Variants in ADCY1 observed in about 807,000 individuals in gnomAD.
ADCY1 encodes adenylate cyclase 1, also known as adenylate cyclase type 1.
Under a neutral mutation model 105.4 loss-of-function variants are expected in ADCY1, and 28 were observed. The observed-to-expected ratio is 0.27, with a 90% CI of 0.20 to 0.36. ADCY1 has a LOEUF of 0.36. Ranked by LOEUF, ADCY1 falls within the 10% of genes least tolerant of loss-of-function variation. The pLI, the probability that ADCY1 is intolerant of heterozygous loss-of-function variation, is 1.00. For synonymous variants in ADCY1, 655 were observed against 623.8 expected (o/e 1.05, Z -0.75); for missense variants, 977 against 1,434.2 (o/e 0.68, Z 5.15).
At chr7:45,604,656 T>C (rs1046458786) in intron 2 of ADCY1, among the ~76,000 whole-genome samples, 1 of 152,178 alleles carries the variant, frequency 6.6e-6, no homozygotes, top group Non-Finnish European at 1.5e-5. Flanking sequence ...ATTTGTGGAT[T>C]CTAGATTCTG....
intron 8 of ADCY1, among the ~76,000 whole-genome samples, chr7:45,669,019 C>A (rs750435637): frequency 3.3e-4 from 50 of 152,228 alleles, no homozygotes; most frequent in Non-Finnish European, 6.5e-4. Context: ...ATTCTTCTCT[C>A]TTTTCTTCTT....
At chr7:45,675,108 CT>C (rs1368112327) in intron 8 of ADCY1, among the ~76,000 whole-genome samples, 3 of 151,870 alleles carry the variant, frequency 2.0e-5, no homozygotes, top group Non-Finnish European at 4.4e-5. Context: ...TGTTCCTTCT[CT>C]TTTTGTCTGT....
At chr7:45,600,636 T>C (rs1793204725) in intron 2 of ADCY1, among the ~76,000 whole-genome samples, 1 of 152,234 alleles carries the variant, frequency 6.6e-6, no homozygotes, top group Admixed American at 6.5e-5. Context: ...GCTTAGGCTG[T>C]GTAACAGAGA....
intron 18 of ADCY1, among the ~76,000 whole-genome samples, chr7:45,709,538 T>C (rs1785184975): frequency 1.3e-5 from 2 of 152,176 alleles, no homozygotes; most frequent in South Asian, 4.1e-4. Flanking sequence ...TTGGGGTTCT[T>C]CTCTGAGTTT....
intron 3 of ADCY1, among the ~76,000 whole-genome samples, chr7:45,618,587 T>G (rs574226054): frequency 7.9e-5 from 12 of 152,324 alleles, no homozygotes; most frequent in African/African-American, 2.4e-4. Flanking sequence ...AAAGAAGACA[T>G]GCAAATGGCC....
rs1457233211 is a variant in ADCY1 at position 45,703,760 on chromosome 7, T to A, written c.2718+14T>A. 6.4e-7 allele frequency: 1 copy of A among 1,559,284 alleles called. No homozygotes were observed. The highest frequency in any genetic ancestry group is 8.7e-7 in the Non-Finnish European group (1 of 1,149,616). On this transcript the variant is annotated intron_variant, in intron 16 of 19. Coordinates refer to ENST00000297323, the MANE Select transcript of ADCY1 (RefSeq NM_021116.4). This position sits in a 1 kb window ranked among gnomAD's most constrained non-coding sequence, Gnocchi z 5.9. ...GACTTTGACGAGGTGAGGCTGTGCG[T>A]CGCCATCCTGACCCCGCCTGGTTGT...
intron 3 of ADCY1, among the ~76,000 whole-genome samples, chr7:45,612,906 C>G (rs1432328287): frequency 1.3e-5 from 2 of 152,138 alleles, no homozygotes; most frequent in Non-Finnish European, 2.9e-5. Flanking sequence ...TAACAGCTGC[C>G]TGCTTTTCCC....
At chr7:45,698,360 TTAATG>T (rs771599206) in intron 14 of ADCY1, among the ~76,000 whole-genome samples, 24 of 152,242 alleles carry the variant, frequency 1.6e-4, no homozygotes, top group Non-Finnish European at 2.8e-4. Flanking sequence ...AGATTTCTCT[TTAATG>T]TAGTAGAATA....
intron 11 of ADCY1, among the ~76,000 whole-genome samples, chr7:45,683,602 G>A (rs757412635): frequency 2.6e-5 from 4 of 152,102 alleles, no homozygotes; most frequent in African/African-American, 7.2e-5. Context: ...CCATTTTGTC[G>A]TGTCACTTAC....
chr7:45,714,060 C>T lies in ADCY1; in HGVS notation c.*65C>T, dbSNP rs948679410. 1.6e-5 allele frequency: 11 copies of T among 686,864 alleles called. No homozygotes were observed. Among genetic ancestry groups the T allele is most frequent in the African/African-American group, 5.3e-5 (3 of 56,836 alleles). The allele number at this position is 686,864 out of a possible 1,614,324, so 42.5% of individuals were successfully genotyped here. On this transcript the variant is annotated 3_prime_UTR_variant, in exon 20 of 20. Transcript: ENST00000297323. ...AATGCTCCGGGGGTGACACAGGCCA[C>T]GGTGGCTCCAGCCAGGACCAGCCAG...
At chr7:45,600,463 G>A (rs1793200031) in intron 2 of ADCY1, among the ~76,000 whole-genome samples, 1 of 152,268 alleles carries the variant, frequency 6.6e-6, no homozygotes, top group African/African-American at 2.4e-5. Flanking sequence ...ACAGAGCTGA[G>A]AGAGCCTGTC....
chr7:45,631,241 C>T (rs896033181), intron 4 of ADCY1, among the ~76,000 whole-genome samples: 1 of 152,218 alleles, frequency 6.6e-6, no homozygotes, highest in Non-Finnish European at 1.5e-5. Context: ...AAAATCCCAT[C>T]AAGTTCTTAG....
At chr7:45,629,740 T>C (rs560727882) in intron 4 of ADCY1, among the ~76,000 whole-genome samples, 227 of 152,078 alleles carry the variant, frequency 1.5e-3, no homozygotes, top group Non-Finnish European at 8.4e-4. Context: ...AGGATGGTCT[T>C]GATCTCCTGA....
intron 3 of ADCY1, among the ~76,000 whole-genome samples, chr7:45,619,901 T>C (rs1793844726): frequency 6.6e-6 from 1 of 152,212 alleles, no homozygotes; most frequent in South Asian, 2.1e-4. Flanking sequence ...CTATTTTAAT[T>C]ACCTTGATTG....
chr7:45,608,048 T>A (rs188628780), intron 2 of ADCY1, among the ~76,000 whole-genome samples: 1 of 152,370 alleles, frequency 6.6e-6, no homozygotes, highest in Admixed American at 6.5e-5. Context: ...CTAATTTACG[T>A]TTCCCACCAG....
rs1793733754 is a variant in ADCY1 at position 45,616,215 on chromosome 7, G to A, written c.908+5718G>A. ...CAAAACCCAACAACGAAAAGTCCAG[G>A]CCCAGATGGTTTCACTGGTAAATTC... On this transcript the variant is annotated intron_variant, in intron 3 of 19. Transcript: ENST00000297323. 2.0e-5 allele frequency among the ~76,000 whole-genome samples: 3 copies of A among 152,164 alleles called. No homozygotes were observed. The South Asian group carries it at 6.2e-4, about 32-fold the overall frequency.
chr7:45,704,519 T>A lies in ADCY1; in HGVS notation c.2720T>A (p.Leu907His). Reference sequence around the variant, plus strand: ...AACAGTTTTATGTTTTAAACAAAGCTCATGGAAAAAGACTTTTACAAGGAC... The same window carrying A: ...AACAGTTTTATGTTTTAAACAAAGCACATGGAAAAAGACTTTTACAAGGAC... ...LNEIIADFDE[L>H]MEKDFYKDIE... Residue 907 changes from leucine to histidine, a missense_variant and splice_region_variant, in exon 17 of 20, where the codon CTC (leucine) becomes CAC (histidine). This residue lies in a region of ADCY1 where 152 missense variants were observed against 293.7 expected (regional missense o/e 0.52). Transcript: ENST00000297323. 6.2e-7 allele frequency: 1 copy of A among 1,613,772 alleles called. No homozygotes were observed. Among genetic ancestry groups the A allele is most frequent in the Non-Finnish European group, 8.5e-7 (1 of 1,179,752 alleles).
At chr7:45,630,137 G>A (rs149639151) in intron 4 of ADCY1, among the ~76,000 whole-genome samples, 144 of 152,132 alleles carry the variant, frequency 9.5e-4, no homozygotes, top group African/African-American at 3.2e-3. Context: ...TTCTTTTTGT[G>A]AAGTTTTGAG....
At chr7:45,657,251 T>C (rs1029536604) in intron 5 of ADCY1, among the ~76,000 whole-genome samples, 8 of 152,246 alleles carry the variant, frequency 5.3e-5, no homozygotes, top group Admixed American at 2.6e-4. Flanking sequence ...GCCTGATGCC[T>C]GGGCTGCAGA....
Sources: allele counts gnomAD v4.1 joint callset (sites outside exome capture counted in the v4.1 genomes callset), GRCh38; gene constraint gnomAD v4.1.1; regional missense constraint gnomAD v4.1.1; non-coding constraint Gnocchi (gnomAD v3.1); transcripts MANE v1.5; gene names NCBI Gene and HGNC (gene_info 2026-07-23, HGNC 2026-07-21).